NDE1: variants seen among roughly 807,000 people sequenced by gnomAD.
NDE1 encodes the protein nudE neurodevelopment protein 1.
In NDE1, 28 loss-of-function variants were observed where a neutral mutation model predicts 43.4. The observed-to-expected ratio is 0.65, with a 90% CI of 0.48 to 0.89. The LOEUF (loss-of-function observed/expected upper bound fraction) is 0.89. NDE1 is among the 40% of genes least tolerant of loss of function. The pLI is 0.00. For synonymous variants in NDE1, 184 were observed against 172.0 expected (o/e 1.07, Z -0.55); for missense variants, 441 against 434.1 (o/e 1.02, Z -0.14).
intron 8 of NDE1, chr16:15,704,195 A>G (rs1319953496): frequency 6.3e-7 from 1 of 1,585,380 alleles, no homozygotes; most frequent in Admixed American, 1.7e-5. Flanking sequence ...TTATAAATCT[A>G]TTTTAAACTT....
At chr16:15,649,904 G>T (rs1047153179), upstream of NDE1, among the ~76,000 whole-genome samples, 1 of 152,206 alleles carries the variant, frequency 6.6e-6, no homozygotes, top group African/African-American at 2.4e-5. Flanking sequence ...AAATGCAATC[G>T]AAGTGAAGGA....
At chr16:15,667,186 C>T in intron 2 of NDE1, 100 bp from the exon 3 acceptor site, 1 of 1,336,280 alleles carries the variant, frequency 7.5e-7, no homozygotes, top group Non-Finnish European at 1.1e-6. Context: ...GCAGAGGTTG[C>T]AGTGAGACGA....
chr16:15,653,762 C>G (rs182341143), intron 1 of NDE1, among the ~76,000 whole-genome samples: 1 of 150,710 alleles, frequency 6.6e-6, no homozygotes, highest in Non-Finnish European at 1.5e-5. Flanking sequence ...GGTTCTCGCT[C>G]TGTCACACAG....
intron 3 of NDE1, among the ~76,000 whole-genome samples, chr16:15,674,022 C>T (rs932445372): frequency 1.3e-5 from 2 of 152,092 alleles, no homozygotes; most frequent in Non-Finnish European, 2.9e-5. Context: ...GTTCATGTCT[C>T]TGAAGTGGAA....
chr16:15,682,429 G>A (rs1200764326), intron 4 of NDE1, among the ~76,000 whole-genome samples: 1 of 152,188 alleles, frequency 6.6e-6, no homozygotes, highest in Non-Finnish European at 1.5e-5. Context: ...TATTTAGAAC[G>A]TTTGACAGTC....
intron 3 of NDE1, among the ~76,000 whole-genome samples, chr16:15,668,798 T>C (rs906572354): frequency 2.6e-5 from 4 of 152,356 alleles, no homozygotes; most frequent in South Asian, 2.1e-4. Context: ...TGTTGCACTC[T>C]GCCAGTTCAG....
chr16:15,668,598 A>G (rs1266050395), intron 3 of NDE1, among the ~76,000 whole-genome samples: 1 of 152,200 alleles, frequency 6.6e-6, no homozygotes, highest in Non-Finnish European at 1.5e-5. Context: ...GTGTTGCTAG[A>G]GTAATATCAT....
At chr16:15,678,935 G>T (rs760618949) in intron 4 of NDE1, among the ~76,000 whole-genome samples, 87 of 151,946 alleles carry the variant, frequency 5.7e-4, no homozygotes, top group Non-Finnish European at 1.1e-3. Context: ...AATTAGCCGG[G>T]CGTGGTGGCG....
At chr16:15,718,087 C>G (rs1395943530) in intron 8 of NDE1, 3 of 661,722 alleles carry the variant, frequency 4.5e-6, no homozygotes, top group Non-Finnish European at 7.6e-6. Flanking sequence ...GCCAGCCACG[C>G]CGTGGCTGGA....
chr16:15,669,422 C>T (rs2037479607), intron 3 of NDE1, among the ~76,000 whole-genome samples: 2 of 143,482 alleles, frequency 1.4e-5, no homozygotes, highest in African/African-American at 2.6e-5. Context: ...AGTGCAGTGG[C>T]GTAATCCCGG....
chr16:15,668,088 G>A (rs2037408981), intron 3 of NDE1, among the ~76,000 whole-genome samples: 1 of 152,050 alleles, frequency 6.6e-6, no homozygotes, highest in Non-Finnish European at 1.5e-5. Context: ...CCTGGGCCGG[G>A]CGAGGTGGTG....
intron 6 of NDE1, 61 bp downstream of exon 6, chr16:15,691,384 T>C (rs947422827): frequency 9.6e-6 from 15 of 1,564,188 alleles, no homozygotes; most frequent in Admixed American, 7.4e-5. Flanking sequence ...GGTAAGAATC[T>C]GGGGTGGGTC....
chr16:15,698,121 C>G (rs60868006), intron 8 of NDE1, among the ~76,000 whole-genome samples: 3,450 of 151,564 alleles, frequency 0.023, 139 homozygotes, highest in African/African-American at 0.079. Flanking sequence ...CTTTTTAAAT[C>G]TGTAGAACCT....
intron 8 of NDE1, among the ~76,000 whole-genome samples, chr16:15,705,389 A>C (rs2039392251): frequency 6.6e-6 from 1 of 152,166 alleles, no homozygotes. Context: ...TCGACTTCAC[A>C]GGAAGGGCTG....
At chr16:15,695,720 C>T (rs1277773642) in intron 7 of NDE1, 1 of 984,860 alleles carries the variant, frequency 1.0e-6, no homozygotes, top group Admixed American at 6.2e-5. Context: ...AAGCTTGCAA[C>T]TCATTTCTTT....
intron 5 of NDE1, among the ~76,000 whole-genome samples, chr16:15,688,628 T>G (rs770510191): frequency 1.4e-4 from 18 of 128,012 alleles, no homozygotes; most frequent in Non-Finnish European, 2.4e-4. Context: ...GTGAGACTCT[T>G]GTCTCAAAAA....
At chr16:15,674,710 CTTT>C (rs532272038) in intron 3 of NDE1, among the ~76,000 whole-genome samples, 12 of 150,834 alleles carry the variant, frequency 8.0e-5, no homozygotes, top group African/African-American at 2.4e-4. Context: ...ATTGAGATTC[CTTT>C]TTTTTTGCTT....
At position 15,652,784 on chromosome 16, in the gene NDE1, C is replaced by T. The variant is rs185733423; in HGVS notation, c.-44+2490C>T. Among the ~76,000 whole-genome samples the T allele has an allele frequency of 3.9e-5, 6 of 152,194 alleles. No homozygotes were observed. The East Asian group carries it at 1.2e-3, about 30-fold the overall frequency. On this transcript the variant is annotated intron_variant, in intron 1 of 8. Coordinates refer to ENST00000396354, the MANE Select transcript of NDE1 (RefSeq NM_017668.3). Reference sequence around the variant, plus strand: ...GCTCAAGCAATCCTCTTGCCTGAGCCTCCCAAGTAGCTGGGACTAAAAGCA... The same window carrying T: ...GCTCAAGCAATCCTCTTGCCTGAGCTTCCCAAGTAGCTGGGACTAAAAGCA...
chr16:15,690,933 G>C (rs2038718083), intron 5 of NDE1, among the ~76,000 whole-genome samples: 1 of 152,114 alleles, frequency 6.6e-6, no homozygotes, highest in Non-Finnish European at 1.5e-5. Flanking sequence ...TCATCCTCCT[G>C]AGTAGCTGAG....
Sources: allele counts gnomAD v4.1 joint callset (sites outside exome capture counted in the v4.1 genomes callset), GRCh38; gene constraint gnomAD v4.1.1; transcripts MANE v1.5; gene names NCBI Gene and HGNC (gene_info 2026-07-23, HGNC 2026-07-21).